PAIP2B: variants seen among roughly 807,000 people sequenced by gnomAD.
PAIP2B encodes polyadenylate-binding protein-interacting protein 2B.
A neutral mutation model predicts 17.0 loss-of-function variants in PAIP2B; 13 were observed. The observed-to-expected ratio is 0.76, with a 90% CI of 0.50 to 1.22. The LOEUF is 1.22. PAIP2B is among the 50% of genes most tolerant of loss of function. The pLI is 0.00. For synonymous variants in PAIP2B, 43 were observed against 48.7 expected (o/e 0.88, Z 0.48); for missense variants, 117 against 144.5 (o/e 0.81, Z 0.98).
At position 71,186,459 on chromosome 2, in the gene PAIP2B, C is replaced by T. The variant is rs2103739210; in HGVS notation, c.*2020G>A. On this transcript the variant is annotated 3_prime_UTR_variant, in exon 4 of 4. Coordinates refer to ENST00000244221, the MANE Select transcript of PAIP2B (RefSeq NM_020459.1). Reference sequence around the variant, plus strand: ...AAGTTTTCATAGTCCTGAAGACTGACATCCAAAACAGACCAGCACAGCAGA... The same window carrying T: ...AAGTTTTCATAGTCCTGAAGACTGATATCCAAAACAGACCAGCACAGCAGA... 1 of 152,350 alleles carries T rather than the reference C, an allele frequency of 6.6e-6. No individual in the cohort carries two copies. Among genetic ancestry groups the T allele is most frequent in the East Asian group, 1.9e-4 (1 of 5,188 alleles). 9.4% of individuals were successfully genotyped at this position (152,350 alleles called of 1,614,324 possible).
At chr2:71,219,253 T>C (rs1675517685) in intron 1 of PAIP2B, among the ~76,000 whole-genome samples, 1 of 152,094 alleles carries the variant, frequency 6.6e-6, no homozygotes, top group Admixed American at 6.5e-5. Flanking sequence ...TTATATTTTG[T>C]TAAATTATTG....
chr2:71,203,963 T>C lies in PAIP2B; in HGVS notation c.-11-1363A>G, dbSNP rs72907633. ...CATCTTTTTCTGTTATTCATCTAAA[T>C]CTTAACAATTCCTCAAAAATCATTC... On this transcript the variant is annotated intron_variant, in intron 1 of 3. Coordinates refer to ENST00000244221, the MANE Select transcript of PAIP2B (RefSeq NM_020459.1). Among the ~76,000 whole-genome samples, 8,494 of 152,220 alleles carry C rather than the reference T, an allele frequency of 0.056. 986 individuals are homozygous for C. The East Asian group carries it at 0.56, about 10-fold the overall frequency.
rs529256040 is a variant in PAIP2B, at chr2:71,204,257, C to T, written c.-11-1657G>A. Among the ~76,000 whole-genome samples the T allele has an allele frequency of 1.5e-3, 231 of 152,246 alleles. 1 individual carries two copies. The highest frequency in any genetic ancestry group is 5.1e-3 in the African/African-American group (213 of 41,562). The stretch of plus-strand genomic sequence containing the variant: ...CTTCAACCTTGACTCCATCTCTACC[C>T]CGACTCCCACCTTCCTTGGGGCTTC... On this transcript the variant is annotated intron_variant, in intron 1 of 3. Coordinates refer to ENST00000244221, the MANE Select transcript of PAIP2B (RefSeq NM_020459.1).
chr2:71,218,533 T>C (rs1450089490), intron 1 of PAIP2B, among the ~76,000 whole-genome samples: 2 of 152,166 alleles, frequency 1.3e-5, no homozygotes, highest in Non-Finnish European at 1.5e-5. Flanking sequence ...CTGTCACTGT[T>C]GGTGGGAGTA....
chr2:71,216,153 A>G (rs1225068729), intron 1 of PAIP2B, among the ~76,000 whole-genome samples: 1 of 152,256 alleles, frequency 6.6e-6, no homozygotes, highest in African/African-American at 2.4e-5. Flanking sequence ...ATCTCAAGAT[A>G]CATGTCTAAT....
intron 1 of PAIP2B, among the ~76,000 whole-genome samples, chr2:71,221,064 T>C (rs1675568899): frequency 6.6e-6 from 1 of 152,208 alleles, no homozygotes; most frequent in Admixed American, 6.5e-5. Context: ...TTCAATTACC[T>C]GTATTTCTAA....
chr2:71,189,154 A>G (rs1674617862), intron 3 of PAIP2B, among the ~76,000 whole-genome samples: 1 of 151,948 alleles, frequency 6.6e-6, no homozygotes, highest in African/African-American at 2.4e-5. Flanking sequence ...CTGGGACTAC[A>G]GGCGCGCACC....
intron 2 of PAIP2B, 67 bp from the exon 3 acceptor site, chr2:71,190,088 TC>T: frequency 7.0e-7 from 1 of 1,426,546 alleles, no homozygotes; most frequent in Non-Finnish European, 9.5e-7. Flanking sequence ...CAGTTTTTCC[TC>T]CACCTCTTTC....
chr2:71,186,815 G>A lies in PAIP2B; in HGVS notation c.*1664C>T, dbSNP rs1674554539. The A allele has an allele frequency of 6.6e-6, 1 of 152,154 alleles. No homozygotes were observed. Among genetic ancestry groups the A allele is most frequent in the Admixed American group, 6.5e-5 (1 of 15,278 alleles). The allele number at this position is 152,154 out of a possible 1,614,324, so 9.4% of individuals were successfully genotyped here. A position where few individuals can be genotyped will look rare whatever the true frequency, so the allele number is the denominator to read the frequency against. On this transcript the variant is annotated 3_prime_UTR_variant, in exon 4 of 4. Coordinates refer to ENST00000244221, the MANE Select transcript of PAIP2B (RefSeq NM_020459.1). ...TCTCCTATGACATGTGACCTAACAA[G>A]GAAGGCAATTTTTTCAAATGATATA...
chr2:71,201,020 T>G (rs201373545), intron 2 of PAIP2B, among the ~76,000 whole-genome samples: 418 of 18,984 alleles, frequency 0.022, 3 homozygotes, highest in South Asian at 0.03. Context: ...TGTGTGTGTG[T>G]GTGTGTGTGT....
intron 2 of PAIP2B, among the ~76,000 whole-genome samples, chr2:71,194,063 T>C (rs918120489): frequency 1.3e-5 from 2 of 152,162 alleles, no homozygotes; most frequent in Non-Finnish European, 2.9e-5. Context: ...CTCTGTTCTG[T>C]TCCACTGGTT....
intron 3 of PAIP2B, 139 bp from the exon 4 acceptor site, chr2:71,188,674 G>C (rs918899546): frequency 4.2e-6 from 3 of 722,182 alleles, no homozygotes; most frequent in Non-Finnish European, 7.1e-6. Context: ...TTATTGCTAG[G>C]TTATCTCAAC....
In PAIP2B at chr2:71,206,588, A is replaced by G. The variant is rs550460665; in HGVS notation, c.-11-3988T>C. Among the ~76,000 whole-genome samples, 33 of 152,348 alleles carry G rather than the reference A, an allele frequency of 2.2e-4. 1 individual carries two copies. Among genetic ancestry groups the G allele is most frequent in the African/African-American group, 6.3e-4 (26 of 41,576 alleles). ...TATGTTCCAAGTTAGAAAGAACTCCAGGACTTTTAATGTATCTAGGATATT... is the reference window on the plus strand; with the variant it reads ...TATGTTCCAAGTTAGAAAGAACTCCGGGACTTTTAATGTATCTAGGATATT... On this transcript the variant is annotated intron_variant, in intron 1 of 3. Transcript: ENST00000244221.
At chr2:71,193,175 C>T (rs1426939180) in intron 2 of PAIP2B, among the ~76,000 whole-genome samples, 1 of 152,112 alleles carries the variant, frequency 6.6e-6, no homozygotes, top group African/African-American at 2.4e-5. Context: ...TTTTGACTCG[C>T]ATTTCTCTAA....
chr2:71,199,570 C>T (rs357765), intron 2 of PAIP2B, among the ~76,000 whole-genome samples: 42,967 of 150,680 alleles, frequency 0.29, 6,406 homozygotes, highest in South Asian at 0.49. Flanking sequence ...CCAACTGCGT[C>T]CTTTTTTTTT....
chr2:71,209,651 T>C (rs1400366292), intron 1 of PAIP2B, among the ~76,000 whole-genome samples: 1 of 152,194 alleles, frequency 6.6e-6, no homozygotes, highest in Non-Finnish European at 1.5e-5. Flanking sequence ...TAAGTTGGCC[T>C]GCCCAGACAG....
At chr2:71,191,307 A>G (rs1674682607) in intron 2 of PAIP2B, among the ~76,000 whole-genome samples, 1 of 152,256 alleles carries the variant, frequency 6.6e-6, no homozygotes, top group Non-Finnish European at 1.5e-5. Flanking sequence ...CGTGAAAACT[A>G]GACAGTTATG....
chr2:71,224,861 CA>C (rs1675681618), intron 1 of PAIP2B, among the ~76,000 whole-genome samples: 2 of 152,140 alleles, frequency 1.3e-5, no homozygotes, highest in African/African-American at 4.8e-5. Flanking sequence ...CAAATACTCC[CA>C]AAAAAGACTG....
chr2:71,192,114 A>C (rs1674701653), intron 2 of PAIP2B, among the ~76,000 whole-genome samples: 1 of 152,184 alleles, frequency 6.6e-6, no homozygotes. Context: ...TTTTCCCATT[A>C]ACACAAATTT....
Sources: allele counts gnomAD v4.1 joint callset (sites outside exome capture counted in the v4.1 genomes callset), GRCh38; gene constraint gnomAD v4.1.1; transcripts MANE v1.5; gene names NCBI Gene and HGNC (gene_info 2026-07-23, HGNC 2026-07-21).